The following FXR1 variants were observed in gnomAD, a reference collection of about 807,000 sequenced individuals.
FXR1 encodes FMR1 autosomal homolog 1.
FXR1 carries 15 observed loss-of-function variants against 84.0 expected under a neutral mutation model. The ratio of observed to expected loss-of-function variants is 0.18; its 90% confidence interval spans 0.12 to 0.27. FXR1 has a LOEUF of 0.27. Ranked by LOEUF, FXR1 falls within the 10% of genes least tolerant of loss-of-function variation. FXR1 has a pLI of 1.00. For missense variants in FXR1, 480 were observed against 774.4 expected, an observed-to-expected ratio of 0.62 and a Z score of 4.51; for synonymous variants, 245 against 250.7, an observed-to-expected ratio of 0.98 and a Z score of 0.21.
intron 13 of FXR1, among the ~76,000 whole-genome samples, chr3:180,965,249 C>T (rs1324025166): frequency 6.6e-6 from 1 of 152,054 alleles, no homozygotes; most frequent in Non-Finnish European, 1.5e-5. Flanking sequence ...CTCCAGACCT[C>T]AGGTGATCTG....
chr3:180,946,132 G>C (rs1302124434), intron 3 of FXR1, among the ~76,000 whole-genome samples: 1 of 152,176 alleles, frequency 6.6e-6, no homozygotes, highest in African/African-American at 2.4e-5. Context: ...GTCAACGGTA[G>C]CTAAAAGCAG....
chr3:180,931,217 CTTT>C (rs1392305334), intron 1 of FXR1, among the ~76,000 whole-genome samples: 1 of 151,914 alleles, frequency 6.6e-6, no homozygotes, highest in Admixed American at 6.6e-5. Flanking sequence ...CTATAGCAGT[CTTT>C]TTTGTTTTTT....
chr3:180,931,280 G>A (rs1719867251), intron 1 of FXR1, among the ~76,000 whole-genome samples: 1 of 151,662 alleles, frequency 6.6e-6, no homozygotes, highest in African/African-American at 2.4e-5. Flanking sequence ...GTGTAGTGGT[G>A]TAGCCTCGGC....
intron 1 of FXR1, among the ~76,000 whole-genome samples, chr3:180,917,245 G>A (rs1718006773): frequency 1.3e-5 from 2 of 150,984 alleles, no homozygotes; most frequent in Non-Finnish European, 2.9e-5. Context: ...TTAATATTAA[G>A]TGGAATTTGA....
intron 3 of FXR1, 73 bp from the exon 4 acceptor site, chr3:180,947,792 A>G: frequency 1.5e-6 from 1 of 652,170 alleles, no homozygotes; most frequent in Non-Finnish European, 2.6e-6. Flanking sequence ...GGGATTGGGT[A>G]TTAATAAAAA....
intron 3 of FXR1, among the ~76,000 whole-genome samples, chr3:180,937,888 G>C (rs1171879509): frequency 1.3e-5 from 2 of 151,914 alleles, no homozygotes; most frequent in African/African-American, 4.8e-5. Flanking sequence ...AGGTGTACTT[G>C]TCCACCCACC....
intron 1 of FXR1, among the ~76,000 whole-genome samples, chr3:180,920,517 CTTTTTTTTTT>C (rs11359852): frequency 7.9e-6 from 1 of 127,378 alleles, no homozygotes; most frequent in Non-Finnish European, 1.7e-5. Flanking sequence ...TAGTTTTGTT[CTTTTTTTTTT>C]TTTTTTTTGA....
At chr3:180,953,165 C>T (rs1003747764) in intron 8 of FXR1, among the ~76,000 whole-genome samples, 2 of 152,138 alleles carry the variant, frequency 1.3e-5, no homozygotes, top group African/African-American at 4.8e-5. Flanking sequence ...TATTAAAGAA[C>T]ACACGTTAAA....
intron 5 of FXR1, 60 bp from the exon 6 acceptor site, chr3:180,948,661 G>T: frequency 1.0e-6 from 1 of 989,354 alleles, no homozygotes; most frequent in South Asian, 1.4e-5. Flanking sequence ...TTTGTATTGT[G>T]ACTCTCCTCT....
intron 4 of FXR1, 60 bp from the exon 5 acceptor site, chr3:180,948,287 C>A (rs1206652463): frequency 2.4e-6 from 3 of 1,265,152 alleles, no homozygotes; most frequent in East Asian, 4.6e-5. Flanking sequence ...ATTAGAACTT[C>A]ATTTAAACTT....
At chr3:180,944,409 C>G (rs2108459778) in intron 3 of FXR1, among the ~76,000 whole-genome samples, 1 of 151,076 alleles carries the variant, frequency 6.6e-6, no homozygotes, top group South Asian at 2.1e-4. Context: ...CAGCCTTGAC[C>G]TCCCAGTCTC....
At chr3:180,931,209 A>G (rs1308152111) in intron 1 of FXR1, among the ~76,000 whole-genome samples, 1 of 151,962 alleles carries the variant, frequency 6.6e-6, no homozygotes, top group African/African-American at 2.4e-5. Flanking sequence ...AGGAGCTACT[A>G]TAGCAGTCTT....
chr3:180,956,249 C>T (rs1233661723), intron 9 of FXR1, among the ~76,000 whole-genome samples: 1 of 152,140 alleles, frequency 6.6e-6, no homozygotes, highest in Non-Finnish European at 1.5e-5. Flanking sequence ...GGTTCAAAAC[C>T]TTTCACCTCC....
intron 7 of FXR1, among the ~76,000 whole-genome samples, chr3:180,951,041 C>A: frequency 6.6e-6 from 1 of 151,310 alleles, no homozygotes; most frequent in Middle Eastern, 3.4e-3. Flanking sequence ...AGTGAGAGCT[C>A]GTCTCTACAA....
chr3:180,932,641 A>C (rs1720071731), intron 1 of FXR1, among the ~76,000 whole-genome samples: 1 of 152,228 alleles, frequency 6.6e-6, no homozygotes, highest in African/African-American at 2.4e-5. Context: ...GTTATTGAGA[A>C]TCTGTATTCA....
rs1437598253 is a variant in FXR1, at chr3:180,977,791, GATTTT to G, written c.*1501_*1505del. On this transcript the variant is annotated 3_prime_UTR_variant, in exon 17 of 17. Transcript: ENST00000357559. ...TAATTTTTTATGTGCATAAAAATGT[GATTTT>G]AATTTATATGCTCTGAAGGATAATT... The G allele has an allele frequency of 2.6e-5, 4 of 152,062 alleles. No homozygotes were observed. Among genetic ancestry groups the G allele is most frequent in the East Asian group, 3.8e-4 (2 of 5,200 alleles). The allele number at this position is 152,062 out of a possible 1,614,324, so 9.4% of individuals were successfully genotyped here. A position where few individuals can be genotyped will look rare whatever the true frequency, so the allele number is the denominator to read the frequency against.
At chr3:180,967,262 C>A (rs943144883) in intron 13 of FXR1, among the ~76,000 whole-genome samples, 2 of 152,022 alleles carry the variant, frequency 1.3e-5, no homozygotes, top group African/African-American at 4.8e-5. Flanking sequence ...GTAAAACATG[C>A]CATCATTTTA....
chr3:180,944,525 C>T (rs189596878), intron 3 of FXR1, among the ~76,000 whole-genome samples: 2 of 152,054 alleles, frequency 1.3e-5, no homozygotes, highest in East Asian at 3.9e-4. Context: ...CGAAATCTTC[C>T]TGTGTTGTCC....
Position 180,957,767 on chromosome 3 carries a change from A to G in FXR1, c.881-52A>G, listed in dbSNP as rs907460146. 5.0e-6 allele frequency: 4 copies of G among 798,868 alleles called. No individual in the cohort carries two copies. The African/African-American group carries it at 7.0e-5, about 14-fold the overall frequency. The allele number at this position is 798,868 out of a possible 1,614,324, so 49.5% of individuals were successfully genotyped here. The stretch of plus-strand genomic sequence containing the variant: ...AATAATTGGGGCTGACACTGAAAGA[A>G]TAGCAGAATTGAGTTTTAGCTTACC... On this transcript the variant is annotated intron_variant, in intron 9 of 16. Coordinates refer to ENST00000357559, the MANE Select transcript of FXR1 (RefSeq NM_005087.4).
Sources: allele counts gnomAD v4.1 joint callset (sites outside exome capture counted in the v4.1 genomes callset), GRCh38; gene constraint gnomAD v4.1.1; transcripts MANE v1.5; gene names NCBI Gene and HGNC (gene_info 2026-07-23, HGNC 2026-07-21).